The following TIPIN variants were observed in gnomAD, a reference collection of about 807,000 sequenced individuals.
TIPIN encodes TIMELESS-interacting protein.
A neutral mutation model predicts 35.6 loss-of-function variants in TIPIN; 29 were observed. That is an observed-to-expected ratio of 0.82 (90% CI 0.61 to 1.11). The LOEUF (loss-of-function observed/expected upper bound fraction) is 1.11, where lower values mean the gene tolerates loss of function less well. TIPIN is among the 50% of genes most tolerant of loss of function. The probability of loss-of-function intolerance (pLI) is 0.00; values close to 1 mark genes in which losing one functional copy is unlikely to be tolerated. For synonymous variants in TIPIN, 102 were observed against 121.5 expected (o/e 0.84, Z 1.06); for missense variants, 296 against 345.4 (o/e 0.86, Z 1.13).
chr15:66,344,869 A>G (rs2093113482), intron 6 of TIPIN, among the ~76,000 whole-genome samples: 1 of 152,196 alleles, frequency 6.6e-6, no homozygotes, highest in Admixed American at 6.6e-5. Context: ...CCTGCCTCGA[A>G]AAGAAATAAG....
intron 1 of TIPIN, among the ~76,000 whole-genome samples, chr15:66,372,089 C>A (rs1481456324): frequency 2.0e-5 from 3 of 152,146 alleles, no homozygotes; most frequent in African/African-American, 7.2e-5. Flanking sequence ...GCCACTGTGC[C>A]TAGTTGGTAA....
At position 66,336,974 on chromosome 15, in the gene TIPIN, A is replaced by C; in HGVS notation, c.890T>G (p.Ile297Ser). Residue 297 changes from isoleucine (I) to serine (S), a missense_variant, in exon 8 of 8, where the codon ATT becomes AGT. By Grantham distance (142) the Ile-to-Ser change is moderately radical. Coordinates refer to ENST00000261881, the MANE Select transcript of TIPIN (RefSeq NM_017858.3). ...AATGGAAACTTATCTAGCTTCAGTAATATTTCTGGATGTAGCATCAAGTTG... is the reference window on the plus strand; with the variant it reads ...AATGGAAACTTATCTAGCTTCAGTACTATTTCTGGATGTAGCATCAAGTTG... ...QQQLDATSRN[I>S]TEAR 6.2e-7 allele frequency: 1 copy of C among 1,611,178 alleles called. No individual in the cohort carries two copies. Among genetic ancestry groups the C allele is most frequent in the Non-Finnish European group, 8.5e-7 (1 of 1,177,806 alleles).
intron 6 of TIPIN, among the ~76,000 whole-genome samples, chr15:66,346,960 T>A (rs1347261406): frequency 1.3e-5 from 2 of 151,954 alleles, no homozygotes; most frequent in Non-Finnish European, 2.9e-5. Context: ...CCCGGCTAAT[T>A]TTTTTTATTA....
At chr15:66,366,189 C>A (rs1365731139) in intron 1 of TIPIN, among the ~76,000 whole-genome samples, 1 of 150,822 alleles carries the variant, frequency 6.6e-6, no homozygotes, top group East Asian at 1.9e-4. Flanking sequence ...GGCGCAGTGG[C>A]TCACACCTGT....
At chr15:66,367,463 C>T (rs2093260804) in intron 1 of TIPIN, among the ~76,000 whole-genome samples, 2 of 151,246 alleles carry the variant, frequency 1.3e-5, no homozygotes, top group Admixed American at 6.6e-5. Context: ...GGCATGATCT[C>T]GGCTCACTGC....
rs1200587817 is a variant in TIPIN, at chr15:66,341,572, TCCCG to T, written c.476-220_476-217del. ...TCACGAGGTCAGGAGATCGAGACCA[TCCCG>T]GCTAACACGGTGAAACCCCGTCTCT... On this transcript the variant is annotated intron_variant, in intron 6 of 7. Coordinates refer to ENST00000261881, the MANE Select transcript of TIPIN (RefSeq NM_017858.3). Among the ~76,000 whole-genome samples the T allele has an allele frequency of 0.026, 8 of 302 alleles. 2 individuals carry two copies. The Non-Finnish European group carries it at 1, about 38-fold the overall frequency. The allele number at this position is 302 out of a possible 152,430, so 0.2% of individuals were successfully genotyped here. A position where few individuals can be genotyped will look rare whatever the true frequency, so the allele number is the denominator to read the frequency against.
chr15:66,379,727 G>A, intron 1 of TIPIN: 1 of 1,608,798 alleles, frequency 6.2e-7, no homozygotes, highest in Non-Finnish European at 8.5e-7. Context: ...GTTCTTTTCT[G>A]TTACCCCACC....
At chr15:66,365,633 G>C in intron 1 of TIPIN, among the ~76,000 whole-genome samples, 1 of 152,144 alleles carries the variant, frequency 6.6e-6, no homozygotes, top group East Asian at 1.9e-4. Context: ...TGCAACCTCT[G>C]CCTCCTGGGT....
intron 1 of TIPIN, among the ~76,000 whole-genome samples, chr15:66,385,087 T>G (rs911251882): frequency 1.3e-5 from 2 of 152,246 alleles, no homozygotes; most frequent in Non-Finnish European, 2.9e-5. Context: ...ATATATTTAG[T>G]GACTTAATCA....
chr15:66,377,878 G>C (rs763903626), intron 1 of TIPIN, among the ~76,000 whole-genome samples: 1 of 151,170 alleles, frequency 6.6e-6, no homozygotes, highest in Non-Finnish European at 1.5e-5. Flanking sequence ...ACGGAGTCTC[G>C]CTCTGTTGCC....
chr15:66,380,160 C>A (rs987578031), intron 1 of TIPIN, among the ~76,000 whole-genome samples: 2 of 151,976 alleles, frequency 1.3e-5, no homozygotes, highest in Non-Finnish European at 2.9e-5. Flanking sequence ...CACCACTGCG[C>A]CCGGCTAATT....
At chr15:66,375,064 T>A (rs946563723) in intron 1 of TIPIN, among the ~76,000 whole-genome samples, 8 of 152,104 alleles carry the variant, frequency 5.3e-5, no homozygotes, top group Non-Finnish European at 1.5e-5. Flanking sequence ...TTTGTGTTAA[T>A]GCGTAGGGGT....
chr15:66,357,242 A>C (rs930006140), upstream of TIPIN, among the ~76,000 whole-genome samples: 1 of 152,178 alleles, frequency 6.6e-6, no homozygotes, highest in African/African-American at 2.4e-5. Context: ...CCTTGGAAAT[A>C]GGTCTCGGTT....
chr15:66,352,988 T>C, intron 1 of TIPIN, 33 bp from the exon 2 acceptor site: 1 of 1,594,612 alleles, frequency 6.3e-7, no homozygotes, highest in Non-Finnish European at 8.5e-7. Flanking sequence ...TTTGTATTCA[T>C]CCAAAATAGT....
At chr15:66,367,278 A>G (rs1419779621) in intron 1 of TIPIN, among the ~76,000 whole-genome samples, 1 of 148,572 alleles carries the variant, frequency 6.7e-6, no homozygotes, top group Non-Finnish European at 1.5e-5. Context: ...CTATAGATAT[A>G]TATCTGTTGA....
chr15:66,379,701 G>C lies in TIPIN; in HGVS notation c.-9+6906C>G. ...CATGTTCTGTACATGACTACAAATA[G>C]TCCGAACGGTAGCCAGTTCTTTTCT... On this transcript the variant is annotated intron_variant, in intron 1 of 7. Transcript: ENST00000562124. 3.7e-6 allele frequency: 6 copies of C among 1,610,634 alleles called. No individual in the cohort carries two copies. In the South Asian group the frequency reaches 6.6e-5, roughly 18 times the overall value.
At chr15:66,383,816 T>G (rs2093326565) in intron 1 of TIPIN, among the ~76,000 whole-genome samples, 1 of 152,148 alleles carries the variant, frequency 6.6e-6, no homozygotes, top group African/African-American at 2.4e-5. Flanking sequence ...GTATTTTATT[T>G]GCGTTTTTTG....
At chr15:66,355,370 CA>C (rs988633237) in intron 1 of TIPIN, among the ~76,000 whole-genome samples, 1 of 148,910 alleles carries the variant, frequency 6.7e-6, no homozygotes, top group African/African-American at 2.5e-5. Flanking sequence ...TGATGGAATG[CA>C]AAAAAAAATT....
At chr15:66,347,907 T>C (rs1259147737) in intron 6 of TIPIN, among the ~76,000 whole-genome samples, 1 of 152,082 alleles carries the variant, frequency 6.6e-6, no homozygotes. Context: ...TTTTAACTTA[T>C]CTATTTATTG....
Sources: allele counts gnomAD v4.1 joint callset (sites outside exome capture counted in the v4.1 genomes callset), GRCh38; gene constraint gnomAD v4.1.1; transcripts MANE v1.5; gene names NCBI Gene and HGNC (gene_info 2026-07-23, HGNC 2026-07-21).